Variants in ATP6V1A observed in about 807,000 individuals in gnomAD.
ATP6V1A encodes the protein ATPase H+ transporting V1 subunit A, also known as V-type proton ATPase catalytic subunit A.
Under a neutral mutation model 70.1 loss-of-function variants are expected in ATP6V1A, and 18 were observed. The observed-to-expected ratio is 0.26, with a 90% CI of 0.18 to 0.38. The LOEUF is 0.38. ATP6V1A is among the 10% of genes least tolerant of loss of function. The pLI, the probability that ATP6V1A is intolerant of heterozygous loss-of-function variation, is 1.00. For missense variants in ATP6V1A, 424 were observed against 772.4 expected (o/e 0.55, Z 5.35); for synonymous variants, 232 against 253.8 (o/e 0.91, Z 0.82).
intron 14 of ATP6V1A, among the ~76,000 whole-genome samples, chr3:113,807,155 C>A (rs1440984340): frequency 6.7e-6 from 1 of 150,026 alleles, no homozygotes; most frequent in African/African-American, 2.4e-5. Context: ...TATACACGGT[C>A]GTTTATTAAA....
chr3:113,809,431 C>G lies in ATP6V1A; in HGVS notation c.*4C>G, dbSNP rs80048233. On this transcript the variant is annotated 3_prime_UTR_variant, in exon 15 of 15. Transcript: ENST00000273398. ...ATTCCGTAGCCTTGAAGATTAGAAG[C>G]CTTGAAGATTACAACTGTGATTTCC... 6.2e-7 allele frequency: 1 copy of G among 1,610,430 alleles called. No homozygotes were observed. Among genetic ancestry groups the G allele is most frequent in the Admixed American group, 1.7e-5 (1 of 59,760 alleles).
chr3:113,757,744 A>G (rs1388453124), intron 1 of ATP6V1A, among the ~76,000 whole-genome samples: 2 of 152,246 alleles, frequency 1.3e-5, no homozygotes, highest in African/African-American at 4.8e-5. Flanking sequence ...TTCTAAATAG[A>G]CAGACAAAAA....
In ATP6V1A at chr3:113,784,401, A is replaced by T. The variant is rs570912378; in HGVS notation, c.389A>T (p.Asp130Val). ...GTAAACGTGTCTGCTCTTAGCAGAG[A>T]TATCAAATGGGACTTTACACCTTGC... ...RGVNVSALSR[D>V]IKWDFTPCKN... The change falls in exon 4 of 15, where the codon GAT (aspartate) becomes GTT (valine). Residue 130 changes from aspartate (D) to valine (V), a missense_variant. Physicochemically the swap from Asp to Val is radical, Grantham distance 152 (BLOSUM62 -3). Around this residue, in one of 9 missense-constraint regions of ATP6V1A, gnomAD observed 139 missense variants for 163.5 expected, o/e 0.85. Transcript: ENST00000273398. 8.7e-6 allele frequency: 14 copies of T among 1,614,168 alleles called. No individual in the cohort carries two copies. In the South Asian group the frequency reaches 1.4e-4, roughly 16 times the overall value.
chr3:113,772,324 A>T (rs1262996153), intron 1 of ATP6V1A, among the ~76,000 whole-genome samples: 1 of 152,230 alleles, frequency 6.6e-6, no homozygotes, highest in Non-Finnish European at 1.5e-5. Flanking sequence ...GAGCAGAGAC[A>T]TGAATGATGT....
In ATP6V1A at chr3:113,788,951, G is replaced by A. The variant is rs534715474; in HGVS notation, c.879+76G>A. 243 of 1,370,160 alleles carry A rather than the reference G, an allele frequency of 1.8e-4. 1 individual carries two copies. The Middle Eastern group carries it at 2.5e-3, about 14-fold the overall frequency. The allele number at this position is 1,370,160 out of a possible 1,614,324, so 84.9% of individuals were successfully genotyped here. ...GTTCATTGACAATTAATAAAGCTTT[G>A]TGTTGGGTCTGGAGCAATGCTGTCA... is the stretch of plus-strand genomic sequence containing the variant. On this transcript the variant is annotated intron_variant, in intron 7 of 14. Transcript: ENST00000273398.
At chr3:113,782,557 CAT>C (rs1491488810) in intron 3 of ATP6V1A, among the ~76,000 whole-genome samples, 2 of 133,250 alleles carry the variant, frequency 1.5e-5, no homozygotes, top group Admixed American at 1.5e-4. Context: ...TATATATATA[CAT>C]GTGTATATAT....
chr3:113,791,375 A>T (rs1336753259), intron 8 of ATP6V1A, among the ~76,000 whole-genome samples: 2 of 144,712 alleles, frequency 1.4e-5, no homozygotes, highest in Non-Finnish European at 3.0e-5. Context: ...TTTATTTTGT[A>T]GTAGGCTGCA....
chr3:113,804,708 A>G (rs1216912724), intron 13 of ATP6V1A, among the ~76,000 whole-genome samples: 1 of 152,256 alleles, frequency 6.6e-6, no homozygotes, highest in Non-Finnish European at 1.5e-5. Flanking sequence ...AAAGATAACA[A>G]GGGAAAAATT....
At chr3:113,796,536 G>A (rs1577094120) in intron 11 of ATP6V1A, among the ~76,000 whole-genome samples, 2 of 152,302 alleles carry the variant, frequency 1.3e-5, no homozygotes, top group South Asian at 4.1e-4. Flanking sequence ...TGCAGTTTCT[G>A]CCTAAGCATT....
intron 7 of ATP6V1A, 131 bp from the exon 8 acceptor site, chr3:113,789,601 T>C: frequency 1.7e-6 from 1 of 601,484 alleles, no homozygotes; most frequent in Non-Finnish European, 2.9e-6. Flanking sequence ...TGGTGGGGAA[T>C]ATTACTTTAG....
chr3:113,787,595 T>C (rs75029317), intron 6 of ATP6V1A, among the ~76,000 whole-genome samples: 1,529 of 152,304 alleles, frequency 0.01, 22 homozygotes, highest in South Asian at 0.063. Flanking sequence ...CAATTTATTA[T>C]GTCACTCAAT....
chr3:113,771,108 T>A (rs1188477567), intron 1 of ATP6V1A, among the ~76,000 whole-genome samples: 1 of 151,048 alleles, frequency 6.6e-6, no homozygotes, highest in Non-Finnish European at 1.5e-5. Flanking sequence ...AAAAAAAAAA[T>A]TAACTTTGAA....
At chr3:113,805,596 G>A (rs1354628937) in intron 14 of ATP6V1A, 71 bp downstream of exon 14, 2 of 1,442,340 alleles carry the variant, frequency 1.4e-6, no homozygotes, top group South Asian at 1.3e-5. Flanking sequence ...TTTAGACAGA[G>A]TCTCACTCTG....
intron 1 of ATP6V1A, among the ~76,000 whole-genome samples, chr3:113,749,693 A>G (rs371120082): frequency 1.1e-4 from 17 of 152,174 alleles, no homozygotes; most frequent in African/African-American, 3.9e-4. Context: ...CTATAATACT[A>G]TTGTGTCTTC....
intron 1 of ATP6V1A, among the ~76,000 whole-genome samples, chr3:113,770,718 A>C (rs1708829402): frequency 6.6e-6 from 1 of 152,024 alleles, no homozygotes; most frequent in African/African-American, 2.4e-5. Flanking sequence ...TGTCTTAAGA[A>C]GGAGTTATTA....
At chr3:113,768,085 CT>C (rs1708793971) in intron 1 of ATP6V1A, among the ~76,000 whole-genome samples, 1 of 152,160 alleles carries the variant, frequency 6.6e-6, no homozygotes, top group South Asian at 2.1e-4. Flanking sequence ...TTCACTATTT[CT>C]TTTTCAGGAA....
intron 2 of ATP6V1A, 33 bp downstream of exon 2, chr3:113,778,868 T>A (rs766200710): frequency 7.4e-7 from 1 of 1,349,554 alleles, no homozygotes; most frequent in Non-Finnish European, 1.0e-6. Flanking sequence ...AAAATAAGGA[T>A]ATCTAACTTT....
rs137931225 is a variant in ATP6V1A, at chr3:113,764,761, T to G, written c.-13-13980T>G. On this transcript the variant is annotated intron_variant, in intron 1 of 14. Transcript: ENST00000273398. ...TTACAATTACTTTTCCCCCTTCAGT[T>G]TATCAAGTTTAAGAAATAAAAAAAA... Among the ~76,000 whole-genome samples the G allele has an allele frequency of 3.9e-3, 600 of 152,166 alleles. 5 individuals carry two copies. The highest frequency in any genetic ancestry group is 0.014 in the African/African-American group (566 of 41,508).
At chr3:113,755,710 C>T (rs1046127896) in intron 1 of ATP6V1A, among the ~76,000 whole-genome samples, 3 of 152,132 alleles carry the variant, frequency 2.0e-5, no homozygotes, top group African/African-American at 4.8e-5. Context: ...ACTCATCCAA[C>T]AATATTTTTA....
Sources: gnomAD v4.1 joint callset for allele counts (sites outside exome capture counted in the v4.1 genomes callset) on GRCh38, gnomAD v4.1.1 for gene constraint, gnomAD v4.1.1 regional missense constraint, MANE v1.5 for transcripts, NCBI Gene and HGNC (gene_info 2026-07-23, HGNC 2026-07-21) for gene names.